The following SPTBN1 variants were observed in gnomAD, a reference collection of about 807,000 sequenced individuals.
SPTBN1 encodes the protein spectrin beta, non-erythrocytic 1, also known as spectrin beta chain, non-erythrocytic 1.
SPTBN1 carries 32 observed loss-of-function variants against 266.4 expected under a neutral mutation model. The observed-to-expected ratio is 0.12, with a 90% CI of 0.09 to 0.16. The LOEUF is 0.16. Among genes scored for constraint, SPTBN1 ranks in the 10% least tolerant of loss-of-function variants. The probability of loss-of-function intolerance (pLI) is 1.00; values close to 1 mark genes in which losing one functional copy is unlikely to be tolerated. For missense variants in SPTBN1, 2,296 were observed against 3,067.1 expected (o/e 0.75, Z 5.94); for synonymous variants, 1,336 against 1,162.2 (o/e 1.15, Z -3.04).
chr2:54,599,771 G>T (rs1230958089), intron 3 of SPTBN1, among the ~76,000 whole-genome samples: 1 of 152,188 alleles, frequency 6.6e-6, no homozygotes, highest in Non-Finnish European at 1.5e-5. Flanking sequence ...AGCTTCTGAT[G>T]AATTCACCCT....
intron 18 of SPTBN1, among the ~76,000 whole-genome samples, chr2:54,641,292 C>CGT (rs1182527739): frequency 1.4e-5 from 2 of 147,450 alleles, no homozygotes; most frequent in East Asian, 2.0e-4. Context: ...TTTTATGTAG[C>CGT]GCGCTCTCTC....
At chr2:54,630,123 A>C in intron 15 of SPTBN1, 94 bp downstream of exon 15, 3 of 1,490,308 alleles carry the variant, frequency 2.0e-6, no homozygotes, top group Non-Finnish European at 2.7e-6. Context: ...AATTTCCCAC[A>C]TGGGGTCATC....
In SPTBN1 at chr2:54,576,446, G is replaced by A. The variant is rs1354008491; in HGVS notation, c.149-22646G>A. 4.0e-5 allele frequency among the ~76,000 whole-genome samples: 6 copies of A among 151,770 alleles called. No homozygotes were observed. The South Asian group carries it at 8.3e-4, about 21-fold the overall frequency. ...TATGTGTAGGTCCAGGAAAACAGCT[G>A]TTGGCTCTGTTACTTCAATTTTTTT... On this transcript the variant is annotated intron_variant, in intron 2 of 35. Coordinates refer to ENST00000356805, the MANE Select transcript of SPTBN1 (RefSeq NM_003128.3).
Position 54,558,873 on chromosome 2 carries a change from T to G in SPTBN1, c.148+32307T>G. The G allele has an allele frequency of 1.9e-6, 3 of 1,613,640 alleles. No individual in the cohort carries two copies. The highest frequency in any genetic ancestry group is 2.2e-5 in the South Asian group (2 of 91,034). ...AACTACAACCAGCTGGAAGGCAGAT[T>G]CAAGCAGCTGCAAGGTAAGCCCCCT... On this transcript the variant is annotated intron_variant, in intron 2 of 35. Coordinates refer to ENST00000356805, the MANE Select transcript of SPTBN1 (RefSeq NM_003128.3). This position sits in a 1 kb window ranked among gnomAD's most constrained non-coding sequence, Gnocchi z 4.6.
intron 7 of SPTBN1, among the ~76,000 whole-genome samples, chr2:54,619,396 G>A (rs55767239): frequency 0.021 from 3,219 of 152,274 alleles, 46 homozygotes; most frequent in Non-Finnish European, 0.032. Flanking sequence ...AGTTCTTTGT[G>A]CTTTGATAAA....
At chr2:54,600,702 G>T (rs977259353) in intron 3 of SPTBN1, among the ~76,000 whole-genome samples, 59 of 139,218 alleles carry the variant, frequency 4.2e-4, no homozygotes, top group Middle Eastern at 4.1e-3. Context: ...AACCTAGTAT[G>T]TTTATTTATT....
chr2:54,647,234 C>T lies in SPTBN1; in HGVS notation c.4970C>T (p.Ala1657Val). 1.9e-6 allele frequency: 3 copies of T among 1,613,984 alleles called. No homozygotes were observed. Among genetic ancestry groups the T allele is most frequent in the Middle Eastern group, 1.7e-4 (1 of 6,060 alleles). Residue 1657 changes from alanine (A) to valine (V), a missense_variant, in exon 24 of 36, where the codon GCC (alanine) becomes GTC (valine). Around this residue, in one of 12 missense-constraint regions of SPTBN1, gnomAD observed 644 missense variants for 745.3 expected, o/e 0.86. Transcript: ENST00000356805. ...CATCAGCTCTCCAAGACCAGCCGGG[C>T]CCTGGTGGCCGACAGCCATCCTGAA... Reference protein sequence around the residue: ...TVHQLSKTSRALVADSHPESE... With the variant: ...TVHQLSKTSRVLVADSHPESE...
Position 54,628,984 on chromosome 2 carries a change from A to T in SPTBN1, c.1850A>T (p.Glu617Val). 1.2e-6 allele frequency: 2 copies of T among 1,613,460 alleles called. No homozygotes were observed. The highest frequency in any genetic ancestry group is 1.7e-6 in the Non-Finnish European group (2 of 1,179,820). Reference sequence around the variant, plus strand: ...ATCCGAGACCGCGTGGCCCACATGGAGTTCTGTTATCAAGAGCTTTGCCAG... The same window carrying T: ...ATCCGAGACCGCGTGGCCCACATGGTGTTCTGTTATCAAGAGCTTTGCCAG... ...QVIRDRVAHM[E>V]FCYQELCQLA... The change falls in exon 14 of 36, where the codon GAG (glutamate) becomes GTG (valine). Residue 617 changes from glutamate (E) to valine (V), a missense_variant. Glu to Val is a moderately radical substitution (Grantham distance 121). This residue lies in a region of SPTBN1 where 434 missense variants were observed against 573.9 expected (regional missense o/e 0.76). Coordinates refer to ENST00000356805, the MANE Select transcript of SPTBN1 (RefSeq NM_003128.3). This position sits in a 1 kb window ranked among gnomAD's most constrained non-coding sequence, Gnocchi z 4.3.
intron 1 of SPTBN1, among the ~76,000 whole-genome samples, chr2:54,460,178 A>G (rs1693286837): frequency 6.6e-6 from 1 of 152,232 alleles, no homozygotes; most frequent in Admixed American, 6.5e-5. Context: ...CAAGACCTTT[A>G]AGTGAGTTGT....
Position 54,639,825 on chromosome 2 carries a change from C to T in SPTBN1, c.3858+2022C>T, listed in dbSNP as rs80111897. Among the ~76,000 whole-genome samples the T allele has an allele frequency of 6.1e-3, 932 of 152,330 alleles. 43 individuals are homozygous for T. The East Asian group carries it at 0.1, about 17-fold the overall frequency. On this transcript the variant is annotated intron_variant, in intron 18 of 35. Coordinates refer to ENST00000356805, the MANE Select transcript of SPTBN1 (RefSeq NM_003128.3). ...CCAGGGGCTCTGTCTTCTGTGACTT[C>T]TCCTCAAAGGACACAGGAAAGTTTG...
At chr2:54,538,520 C>A (rs1416049896) in intron 2 of SPTBN1, among the ~76,000 whole-genome samples, 2 of 152,228 alleles carry the variant, frequency 1.3e-5, no homozygotes, top group Non-Finnish European at 2.9e-5. Context: ...TGTGATACTT[C>A]CTGAAAACCT....
chr2:54,482,648 A>C (rs927906415), intron 1 of SPTBN1, among the ~76,000 whole-genome samples: 1 of 152,230 alleles, frequency 6.6e-6, no homozygotes, highest in Non-Finnish European at 1.5e-5. Flanking sequence ...CCTCAGTCAC[A>C]CTAGCCACAT....
rs771394234 is a variant in SPTBN1, at chr2:54,645,365, A to G, written c.4406A>G (p.Glu1469Gly). The G allele has an allele frequency of 1.9e-6, 3 of 1,614,056 alleles. No homozygotes were observed. Among genetic ancestry groups the G allele is most frequent in the African/African-American group, 2.7e-5 (2 of 74,922 alleles). Reference sequence around the variant, plus strand: ...CTCACCGTGCAGACCAAGTTCATGGAGTTGCTGGAGCCCTTGAACGAGAGG... The same window carrying G: ...CTCACCGTGCAGACCAAGTTCATGGGGTTGCTGGAGCCCTTGAACGAGAGG... ...KRLTVQTKFM[E>G]LLEPLNERKH... Residue 1469 changes from glutamate (E) to glycine (G), a missense_variant, in exon 21 of 36, where the codon GAG becomes GGG. Physicochemically the swap from Glu to Gly is moderately conservative, Grantham distance 98 (BLOSUM62 -2). This residue lies in a region of SPTBN1 where 386 missense variants were observed against 486.1 expected (regional missense o/e 0.79). Coordinates refer to ENST00000356805, the MANE Select transcript of SPTBN1 (RefSeq NM_003128.3). The surrounding 1 kb of genome is among the most constrained non-coding windows in gnomAD (Gnocchi z 4.3).
Position 54,645,581 on chromosome 2 carries a change from G to T in SPTBN1, c.4494+128G>T, listed in dbSNP as rs906610559. The stretch of plus-strand genomic sequence containing the variant: ...GGCAAGCTGAGCTGCCAAAGTCCAC[G>T]CTCTGGATGGTCTAAAGTTTCTTTC... On this transcript the variant is annotated intron_variant, in intron 21 of 35. Coordinates refer to ENST00000356805, the MANE Select transcript of SPTBN1 (RefSeq NM_003128.3). The surrounding 1 kb of genome is among the most constrained non-coding windows in gnomAD (Gnocchi z 4.3). The T allele has an allele frequency of 3.3e-6, 3 of 917,322 alleles. No homozygotes were observed. Among genetic ancestry groups the T allele is most frequent in the Non-Finnish European group, 4.9e-6 (3 of 609,978 alleles). 56.8% of individuals were successfully genotyped at this position (917,322 alleles called of 1,614,324 possible).
chr2:54,576,344 G>A (rs1267085648), intron 2 of SPTBN1, among the ~76,000 whole-genome samples: 9 of 152,058 alleles, frequency 5.9e-5, no homozygotes, highest in African/African-American at 2.2e-4. Context: ...GTGAGCCACC[G>A]CGCCCGGCCT....
intron 2 of SPTBN1, among the ~76,000 whole-genome samples, chr2:54,594,074 G>T (rs949383309): frequency 6.6e-6 from 1 of 151,902 alleles, no homozygotes; most frequent in South Asian, 2.1e-4. Context: ...CTCATGATCC[G>T]CCCACCTCGG....
chr2:54,636,303 T>G (rs1679127539), intron 17 of SPTBN1, among the ~76,000 whole-genome samples: 1 of 152,244 alleles, frequency 6.6e-6, no homozygotes, highest in Admixed American at 6.5e-5. Context: ...GTCTAACATA[T>G]GCCTAATGAT....
chr2:54,600,882 A>G (rs1676457438), intron 3 of SPTBN1, among the ~76,000 whole-genome samples: 1 of 151,816 alleles, frequency 6.6e-6, no homozygotes. Context: ...TGTAGGGAGT[A>G]AACTGTTCAC....
chr2:54,511,067 C>T (rs1300799156), intron 1 of SPTBN1, among the ~76,000 whole-genome samples: 1 of 152,140 alleles, frequency 6.6e-6, no homozygotes, highest in African/African-American at 2.4e-5. Flanking sequence ...TAGGGTCTGG[C>T]CCCACAGTAG....
Sources: allele counts gnomAD v4.1 joint callset (sites outside exome capture counted in the v4.1 genomes callset), GRCh38; gene constraint gnomAD v4.1.1; regional missense constraint gnomAD v4.1.1; non-coding constraint Gnocchi (gnomAD v3.1); transcripts MANE v1.5; gene names NCBI Gene and HGNC (gene_info 2026-07-23, HGNC 2026-07-21).